Variants in HOMER1 observed in about 807,000 individuals in gnomAD.
HOMER1 encodes homer scaffold protein 1.
HOMER1 carries 3 observed loss-of-function variants against 48.9 expected under a neutral mutation model. The ratio of observed to expected loss-of-function variants is 0.06; its 90% confidence interval spans 0.03 to 0.16. The LOEUF is 0.16. Ranked by LOEUF, HOMER1 falls within the 10% of genes least tolerant of loss-of-function variation. The pLI is 1.00. For missense variants in HOMER1, 247 were observed against 411.4 expected, an observed-to-expected ratio of 0.60 and a Z score of 3.46; for synonymous variants, 134 against 146.4, an observed-to-expected ratio of 0.92 and a Z score of 0.61.
chr5:79,503,340 C>G (rs113175625), intron 1 of HOMER1, among the ~76,000 whole-genome samples: 2,504 of 151,442 alleles, frequency 0.017, 34 homozygotes, highest in Non-Finnish European at 0.025. Flanking sequence ...CGAGACCAGC[C>G]TGGAAAACAC....
chr5:79,472,623 A>AT (rs1240788805), intron 1 of HOMER1, among the ~76,000 whole-genome samples: 1 of 151,618 alleles, frequency 6.6e-6, no homozygotes, highest in Non-Finnish European at 1.5e-5. Flanking sequence ...AAAAATAAAA[A>AT]AAAAAAGTTA....
intron 1 of HOMER1, among the ~76,000 whole-genome samples, chr5:79,460,012 TTTTC>T (rs145360822): frequency 3.3e-4 from 27 of 82,516 alleles, no homozygotes; most frequent in Non-Finnish European, 8.3e-5. Flanking sequence ...AGTTTTGCTT[TTTTC>T]TTTCTTTCTT....
chr5:79,426,088 G>A (rs1273759258), intron 5 of HOMER1, among the ~76,000 whole-genome samples: 1 of 151,300 alleles, frequency 6.6e-6, no homozygotes, highest in Non-Finnish European at 1.5e-5. Context: ...AATGAGACTT[G>A]AAAGATTTGG....
At chr5:79,446,199 C>G (rs1249379038) in intron 4 of HOMER1, among the ~76,000 whole-genome samples, 1 of 152,184 alleles carries the variant, frequency 6.6e-6, no homozygotes, top group Admixed American at 6.5e-5. Context: ...CAATATTCCT[C>G]TAACTTAATC....
rs533456473 is a variant in HOMER1 at position 79,503,696 on chromosome 5, C to T, written c.5+9074G>A. 2.5e-4 allele frequency among the ~76,000 whole-genome samples: 37 copies of T among 147,430 alleles called. 1 individual carries two copies. The East Asian group carries it at 6.5e-3, about 26-fold the overall frequency. ...TCTCTATTAAAAATACAAAAATTAG[C>T]TGGGTGGGATTCAGCAAGACTCTGC... On this transcript the variant is annotated intron_variant, in intron 1 of 8. Coordinates refer to ENST00000334082, the MANE Select transcript of HOMER1 (RefSeq NM_004272.5).
At chr5:79,415,096 C>G (rs1219140036) in intron 5 of HOMER1, among the ~76,000 whole-genome samples, 1 of 152,110 alleles carries the variant, frequency 6.6e-6, no homozygotes, top group Non-Finnish European at 1.5e-5. Context: ...CTCTGTCACT[C>G]AAGCAGGAGT....
At chr5:79,392,630 C>T (rs1749279476) in intron 8 of HOMER1, among the ~76,000 whole-genome samples, 1 of 152,022 alleles carries the variant, frequency 6.6e-6, no homozygotes, top group Admixed American at 6.6e-5. Context: ...GAAGAAATAA[C>T]ATTTTAAAAA....
chr5:79,469,840 A>G (rs1751571719), intron 1 of HOMER1, among the ~76,000 whole-genome samples: 1 of 152,112 alleles, frequency 6.6e-6, no homozygotes, highest in Non-Finnish European at 1.5e-5. Context: ...ACTATAGACA[A>G]AACTCTTTTG....
chr5:79,409,473 C>T (rs372971162), intron 5 of HOMER1, among the ~76,000 whole-genome samples: 4 of 149,442 alleles, frequency 2.7e-5, no homozygotes, highest in Non-Finnish European at 4.4e-5. Flanking sequence ...ATTGGATCTG[C>T]GATGATTTCT....
chr5:79,492,907 CTTTTTTTTTTTTTTT>C (rs558428061), intron 1 of HOMER1, among the ~76,000 whole-genome samples: 1 of 84,030 alleles, frequency 1.2e-5, no homozygotes, highest in East Asian at 4.0e-4. Flanking sequence ...AAAACTTTGT[CTTTTTTTTTTTTTTT>C]TTTTTTTTTT....
At chr5:79,428,360 C>T (rs946653395) in intron 5 of HOMER1, among the ~76,000 whole-genome samples, 7 of 152,066 alleles carry the variant, frequency 4.6e-5, no homozygotes, top group African/African-American at 7.2e-5. Context: ...AACGACTCAA[C>T]GCTTTCCTTC....
At chr5:79,399,941 T>C (rs966513876) in intron 6 of HOMER1, among the ~76,000 whole-genome samples, 2 of 152,146 alleles carry the variant, frequency 1.3e-5, no homozygotes, top group Non-Finnish European at 2.9e-5. Context: ...ACTGAAAATA[T>C]GTGAGTAAAT....
At chr5:79,470,407 G>A (rs929800918) in intron 1 of HOMER1, among the ~76,000 whole-genome samples, 8 of 152,208 alleles carry the variant, frequency 5.3e-5, no homozygotes, top group African/African-American at 1.9e-4. Context: ...GCAGATCATG[G>A]CCAAAAGATT....
chr5:79,421,292 T>C (rs565852523), intron 5 of HOMER1, among the ~76,000 whole-genome samples: 12 of 152,218 alleles, frequency 7.9e-5, no homozygotes, highest in African/African-American at 1.4e-4. Context: ...ATCCGAAAAC[T>C]TGTAGAACAA....
chr5:79,379,094 A>ATATATATATC (rs1748859758), intron 8 of HOMER1, among the ~76,000 whole-genome samples: 2 of 56,316 alleles, frequency 3.6e-5, no homozygotes, highest in Non-Finnish European at 5.3e-5. Flanking sequence ...ATATATATAT[A>ATATATATATC]TATATATATA....
At chr5:79,447,573 C>G (rs1750918707) in intron 3 of HOMER1, among the ~76,000 whole-genome samples, 1 of 152,118 alleles carries the variant, frequency 6.6e-6, no homozygotes, top group African/African-American at 2.4e-5. Context: ...TTAAATTTTA[C>G]TAAAATATAA....
chr5:79,451,170 G>A (rs572755840), intron 2 of HOMER1, 49 bp from the exon 3 acceptor site: 3 of 1,594,894 alleles, frequency 1.9e-6, no homozygotes, highest in Admixed American at 1.7e-5. Context: ...CAGCAAACAG[G>A]CATTTAAATA....
intron 1 of HOMER1, among the ~76,000 whole-genome samples, chr5:79,464,985 G>A (rs963462986): frequency 6.6e-6 from 1 of 152,022 alleles, no homozygotes; most frequent in African/African-American, 2.4e-5. Context: ...ATACAAAATT[G>A]TAAAGTAACC....
chr5:79,483,912 G>T (rs1004506072), intron 1 of HOMER1, among the ~76,000 whole-genome samples: 1 of 151,690 alleles, frequency 6.6e-6, no homozygotes, highest in African/African-American at 2.4e-5. Context: ...AAATTAGCCG[G>T]GTGTGGTGGT....
Sources: allele counts gnomAD v4.1 joint callset (sites outside exome capture counted in the v4.1 genomes callset), GRCh38; gene constraint gnomAD v4.1.1; transcripts MANE v1.5; gene names NCBI Gene and HGNC (gene_info 2026-07-23, HGNC 2026-07-21).